Variants in PTP4A3 observed in about 807,000 individuals in gnomAD.
PTP4A3 encodes the protein protein tyrosine phosphatase type IVA 3.
PTP4A3 carries 9 observed loss-of-function variants against 15.2 expected under a neutral mutation model. The ratio of observed to expected loss-of-function variants is 0.59; its 90% confidence interval spans 0.36 to 1.03. The LOEUF (loss-of-function observed/expected upper bound fraction) is 1.03. PTP4A3 is among the 50% of genes least tolerant of loss of function. The pLI is 0.02. For missense variants in PTP4A3, 234 were observed against 252.1 expected (o/e 0.93, Z 0.49); for synonymous variants, 95 against 102.0 (o/e 0.93, Z 0.41).
Position 141,430,917 on chromosome 8 carries a change from C to T in PTP4A3, c.405-10C>T. The T allele has an allele frequency of 6.2e-7, 1 of 1,612,634 alleles. No homozygotes were observed. The highest frequency in any genetic ancestry group is 8.5e-7 in the Non-Finnish European group (1 of 1,179,552). On this transcript the variant is annotated splice_polypyrimidine_tract_variant and intron_variant, in intron 5 of 5. Transcript: ENST00000521578. ...TTGGATGATCTCTGTTCCTGTTCCC[C>T]TCTTCCCAGGAAGCGCCGCGGAGCC...
At chr8:141,408,309 G>A (rs1832782415) in intron 1 of PTP4A3, among the ~76,000 whole-genome samples, 1 of 152,206 alleles carries the variant, frequency 6.6e-6, no homozygotes, top group Non-Finnish European at 1.5e-5. Context: ...TAAAAACACT[G>A]AAGGTTACAC....
At chr8:141,414,490 G>A (rs977804641) in intron 1 of PTP4A3, among the ~76,000 whole-genome samples, 16 of 152,116 alleles carry the variant, frequency 1.1e-4, no homozygotes, top group Admixed American at 5.9e-4. Flanking sequence ...CCAGACAGAG[G>A]GCACGTGGGA....
chr8:141,399,393 A>G (rs1010834521), intron 1 of PTP4A3, among the ~76,000 whole-genome samples: 3 of 151,456 alleles, frequency 2.0e-5, no homozygotes, highest in Admixed American at 1.3e-4. Flanking sequence ...CCAGAGGCCC[A>G]TCTGCTGGGA....
Position 141,406,701 on chromosome 8 carries a change from G to C in PTP4A3, c.-854+14617G>C, listed in dbSNP as rs1832734289. On this transcript the variant is annotated intron_variant, in intron 1 of 5. Transcript: ENST00000521578. The surrounding 1 kb of genome is among the most constrained non-coding windows in gnomAD (Gnocchi z 4.5). ...TGTGTGGCACAGAAGATGGCGAGTG[G>C]TGACGGCTGTGTTGCCTGCATGCCA... Among the ~76,000 whole-genome samples the C allele has an allele frequency of 6.6e-6, 1 of 152,138 alleles. No homozygotes were observed. Among genetic ancestry groups the C allele is most frequent in the Non-Finnish European group, 1.5e-5 (1 of 68,008 alleles).
In PTP4A3 at chr8:141,406,443, C is replaced by T. The variant is rs1351081186; in HGVS notation, c.-854+14359C>T. On this transcript the variant is annotated intron_variant, in intron 1 of 5. Transcript: ENST00000521578. This position sits in a 1 kb window ranked among gnomAD's most constrained non-coding sequence, Gnocchi z 4.5. ...TCTTTCTGCTGCCACCCAGAGCCCG[C>T]CCTTTCCGGAGAGCAGTTCCCTGGG... Among the ~76,000 whole-genome samples, 1 of 151,810 alleles carries T rather than the reference C, an allele frequency of 6.6e-6. No individual in the cohort carries two copies. Among genetic ancestry groups the T allele is most frequent in the African/African-American group, 2.4e-5 (1 of 41,308 alleles).
At chr8:141,393,990 G>A (rs954235470) in intron 1 of PTP4A3, among the ~76,000 whole-genome samples, 8 of 152,218 alleles carry the variant, frequency 5.3e-5, no homozygotes, top group Admixed American at 2.0e-4. Flanking sequence ...CTACACAGAC[G>A]TGACTTTACT....
intron 1 of PTP4A3, among the ~76,000 whole-genome samples, chr8:141,420,358 C>T (rs916287689): frequency 1.3e-5 from 2 of 152,152 alleles, no homozygotes; most frequent in African/African-American, 2.4e-5. Flanking sequence ...CACCCCTCAT[C>T]GTGCTCATGG....
intron 1 of PTP4A3, among the ~76,000 whole-genome samples, chr8:141,417,720 C>T (rs1833115613): frequency 6.6e-6 from 1 of 152,024 alleles, no homozygotes; most frequent in Non-Finnish European, 1.5e-5. Flanking sequence ...CGCCGCGCCC[C>T]GCACTTCCCT....
intron 5 of PTP4A3, 73 bp from the exon 6 acceptor site, chr8:141,430,854 C>T (rs1384226832): frequency 2.3e-5 from 34 of 1,469,642 alleles, no homozygotes; most frequent in Non-Finnish European, 3.2e-5. Flanking sequence ...TCTCAGATTC[C>T]AGCTCCCTGG....
At chr8:141,398,928 C>T (rs1832516457) in intron 1 of PTP4A3, among the ~76,000 whole-genome samples, 1 of 152,100 alleles carries the variant, frequency 6.6e-6, no homozygotes, top group South Asian at 2.1e-4. Flanking sequence ...CAGGCCTGGC[C>T]CAGCTAGAGG....
At chr8:141,421,115 C>G (rs1490182079) in intron 1 of PTP4A3, among the ~76,000 whole-genome samples, 15 of 152,212 alleles carry the variant, frequency 9.9e-5, no homozygotes, top group African/African-American at 2.9e-4. Flanking sequence ...CCTGAAATCC[C>G]TGTCCCCTCT....
At chr8:141,398,380 C>T (rs1239002827) in intron 1 of PTP4A3, among the ~76,000 whole-genome samples, 2 of 152,132 alleles carry the variant, frequency 1.3e-5, no homozygotes, top group Non-Finnish European at 2.9e-5. Context: ...CAGGAGCCAG[C>T]GTTGCTGATG....
At position 141,425,909 on chromosome 8, in the gene PTP4A3, T is replaced by A. The variant is rs1479286820; in HGVS notation, c.198+769T>A. 6.6e-6 allele frequency among the ~76,000 whole-genome samples: 1 copy of A among 152,176 alleles called. No individual in the cohort carries two copies. The highest frequency in any genetic ancestry group is 1.5e-5 in the Non-Finnish European group (1 of 68,002). Reference sequence around the variant, plus strand: ...CGTCCCGCCTCTGCCCTCCCCAGCCTTGCGACCCTGCAGGTCACTCCGAGC... The same window carrying A: ...CGTCCCGCCTCTGCCCTCCCCAGCCATGCGACCCTGCAGGTCACTCCGAGC... On this transcript the variant is annotated intron_variant, in intron 3 of 5. Transcript: ENST00000521578. This position sits in a 1 kb window ranked among gnomAD's most constrained non-coding sequence, Gnocchi z 4.2.
chr8:141,416,762 A>C (rs370659393), intron 1 of PTP4A3, among the ~76,000 whole-genome samples: 1 of 151,124 alleles, frequency 6.6e-6, no homozygotes, highest in East Asian at 2.0e-4. Context: ...CTGCTTGCCC[A>C]CCTGGAGGTG....
intron 1 of PTP4A3, among the ~76,000 whole-genome samples, chr8:141,404,407 C>G (rs6998948): frequency 2.0e-5 from 3 of 152,210 alleles, no homozygotes; most frequent in Non-Finnish European, 4.4e-5. Context: ...TGGGGCAGGG[C>G]CCCCCAGCAG....
At chr8:141,428,010 C>T (rs1833666892) in intron 5 of PTP4A3, among the ~76,000 whole-genome samples, 186 bp downstream of exon 5, 1 of 152,080 alleles carries the variant, frequency 6.6e-6, no homozygotes, top group Non-Finnish European at 1.5e-5. Flanking sequence ...GACAGCAGCC[C>T]CCGAGTGACC....
intron 1 of PTP4A3, among the ~76,000 whole-genome samples, chr8:141,404,091 T>C (rs1832667019): frequency 6.6e-6 from 1 of 152,236 alleles, no homozygotes; most frequent in Admixed American, 6.5e-5. Flanking sequence ...ACACGCCTGT[T>C]CACCGGATGT....
chr8:141,429,203 C>T (rs1253780492), intron 5 of PTP4A3, among the ~76,000 whole-genome samples: 3 of 152,256 alleles, frequency 2.0e-5, no homozygotes, highest in African/African-American at 7.2e-5. Context: ...GTGCCGGCTG[C>T]TGGGCGAGGA....
intron 1 of PTP4A3, among the ~76,000 whole-genome samples, chr8:141,403,871 T>C (rs1832661379): frequency 6.6e-6 from 1 of 152,280 alleles, no homozygotes; most frequent in Non-Finnish European, 1.5e-5. Flanking sequence ...CGTCTGACTA[T>C]GTCTATTTGA....
Sources: allele counts gnomAD v4.1 joint callset (sites outside exome capture counted in the v4.1 genomes callset), GRCh38; gene constraint gnomAD v4.1.1; non-coding constraint Gnocchi (gnomAD v3.1); transcripts MANE v1.5; gene names NCBI Gene and HGNC (gene_info 2026-07-23, HGNC 2026-07-21).